Variants in WWC2 observed in about 807,000 individuals in gnomAD.
The protein encoded by WWC2 is protein WWC2.
In WWC2, 101 loss-of-function variants were observed where a neutral mutation model predicts 138.5. The observed-to-expected ratio is 0.73, with a 90% CI of 0.62 to 0.86. The LOEUF is 0.86. WWC2 is among the 40% of genes least tolerant of loss of function. The probability of loss-of-function intolerance (pLI) is 0.00; values close to 1 mark genes in which losing one functional copy is unlikely to be tolerated. For synonymous variants in WWC2, 558 were observed against 538.4 expected, an observed-to-expected ratio of 1.04 and a Z score of -0.50; for missense variants, 1,420 against 1,419.4, an observed-to-expected ratio of 1.00 and a Z score of -0.01.
chr4:183,312,568 G>C, intron 22 of WWC2, 100 bp downstream of exon 22: 1 of 1,533,498 alleles, frequency 6.5e-7, no homozygotes, highest in Non-Finnish European at 8.9e-7. Context: ...GAGGATCCGA[G>C]ACAGAAGTCC....
At position 183,259,723 on chromosome 4, in the gene WWC2, TA is replaced by T; in HGVS notation, c.1285del (p.Ser429AlafsTer25). ...TAACTACTTATTTGCATTCACAACT[TA>T]AAAGGTGAGCTTATCAGATTTTTGA... ...KLTTYLHSQL[K>X]SLSASTLSMS... On this transcript the variant is annotated frameshift_variant, in exon 10 of 23. Coordinates refer to ENST00000403733, the MANE Select transcript of WWC2 (RefSeq NM_024949.6). LOFTEE classifies it high-confidence loss of function. 1 of 1,542,908 alleles carries T rather than the reference TA, an allele frequency of 6.5e-7. No homozygotes were observed. Among genetic ancestry groups the T allele is most frequent in the South Asian group, 1.2e-5 (1 of 81,046 alleles).
chr4:183,113,767 A>T (rs1732325531), intron 1 of WWC2, among the ~76,000 whole-genome samples: 1 of 140,064 alleles, frequency 7.1e-6, no homozygotes, highest in African/African-American at 2.6e-5. Context: ...GGAATTACAG[A>T]TTTTTTTTTT....
intron 4 of WWC2, among the ~76,000 whole-genome samples, chr4:183,235,807 A>C (rs547071615): frequency 2.0e-5 from 3 of 152,352 alleles, no homozygotes; most frequent in African/African-American, 7.2e-5. Context: ...GAGCACTAAT[A>C]TCTCTTCAAG....
chr4:183,235,363 CTT>C (rs1736389051), intron 4 of WWC2, among the ~76,000 whole-genome samples: 2 of 152,264 alleles, frequency 1.3e-5, no homozygotes, highest in Admixed American at 6.5e-5. Context: ...TGTAATAACA[CTT>C]AACATGAGAT....
chr4:183,185,586 A>G (rs1274304943), intron 1 of WWC2, among the ~76,000 whole-genome samples: 8 of 152,108 alleles, frequency 5.3e-5, no homozygotes, highest in East Asian at 1.9e-4. Flanking sequence ...CCTGCTTTTC[A>G]TGAGCTATGT....
chr4:183,292,063 G>A (rs958978146), intron 21 of WWC2, among the ~76,000 whole-genome samples: 5 of 151,724 alleles, frequency 3.3e-5, no homozygotes, highest in African/African-American at 1.2e-4. Context: ...AGGCATGGTG[G>A]CATGCACCTG....
At chr4:183,185,172 G>A (rs1308828547) in intron 1 of WWC2, among the ~76,000 whole-genome samples, 1 of 152,182 alleles carries the variant, frequency 6.6e-6, no homozygotes, top group Non-Finnish European at 1.5e-5. Flanking sequence ...GACCCCAACA[G>A]TCTGTGCTTT....
chr4:183,250,036 CT>C, intron 8 of WWC2, 43 bp downstream of exon 8: 1 of 1,542,224 alleles, frequency 6.5e-7, no homozygotes, highest in Non-Finnish European at 8.9e-7. Flanking sequence ...CAAACATTTT[CT>C]TTTCCAGAAT....
At position 183,123,673 on chromosome 4, in the gene WWC2, T is replaced by A. The variant is rs530252613; in HGVS notation, c.131+24051T>A. Among the ~76,000 whole-genome samples the A allele has an allele frequency of 1.4e-3, 219 of 152,236 alleles. 1 individual carries two copies. The highest frequency in any genetic ancestry group is 5.0e-3 in the African/African-American group (208 of 41,562). On this transcript the variant is annotated intron_variant, in intron 1 of 22. Coordinates refer to ENST00000403733, the MANE Select transcript of WWC2 (RefSeq NM_024949.6). ...TTCTTAAATCTTGGTGTTATAGACA[T>A]ACATGTTTATTGGCCTTCATATTTT...
At position 183,260,964 on chromosome 4, in the gene WWC2, A is replaced by G. The variant is rs1737303286; in HGVS notation, c.1341A>G (p.Ala447=). The change falls in exon 11 of 23, where the codon GCA becomes GCG. Residue 447 remains alanine, a synonymous_variant. Transcript: ENST00000403733. ...CTGGGAGCAGCCTGGGTTCCCTGGCATCGAGTCGGGGCTCTCTGAACACCT... is the reference window on the plus strand; with the variant it reads ...CTGGGAGCAGCCTGGGTTCCCTGGCGTCGAGTCGGGGCTCTCTGAACACCT... The part of the protein sequence containing the change: ...MSSGSSLGSL[A]SSRGSLNTSS... 6.2e-7 allele frequency: 1 copy of G among 1,613,820 alleles called. No homozygotes were observed. The highest frequency in any genetic ancestry group is 1.3e-5 in the African/African-American group (1 of 74,938).
At chr4:183,179,366 G>A (rs1196236746) in intron 1 of WWC2, among the ~76,000 whole-genome samples, 2 of 152,144 alleles carry the variant, frequency 1.3e-5, no homozygotes, top group Non-Finnish European at 2.9e-5. Context: ...TTAAAAGTAA[G>A]ATTTTAATAA....
At chr4:183,299,990 A>G (rs1378563532) in intron 21 of WWC2, among the ~76,000 whole-genome samples, 4 of 152,216 alleles carry the variant, frequency 2.6e-5, no homozygotes, top group African/African-American at 7.2e-5. Flanking sequence ...TCTGTTTTGT[A>G]GCTCAGAATA....
intron 15 of WWC2, chr4:183,269,709 G>T (rs148629891): frequency 1.8e-4 from 65 of 353,198 alleles, no homozygotes; most frequent in Admixed American, 8.9e-4. Flanking sequence ...AATTAAGCAA[G>T]ACCACTGAGT....
chr4:183,264,966 T>A lies in WWC2; in HGVS notation c.1910-12T>A. ...GACATTCTGATTAGTGCTCTCACCC[T>A]CCCCTCCATAGATGTGGAAAAATCA... On this transcript the variant is annotated splice_polypyrimidine_tract_variant and intron_variant, in intron 11 of 22. Coordinates refer to ENST00000403733, the MANE Select transcript of WWC2 (RefSeq NM_024949.6). 1 of 1,608,896 alleles carries A rather than the reference T, an allele frequency of 6.2e-7. No individual in the cohort carries two copies. Among genetic ancestry groups the A allele is most frequent in the South Asian group, 1.1e-5 (1 of 89,880 alleles).
chr4:183,280,867 A>G lies in WWC2; in HGVS notation c.2654A>G (p.Gln885Arg). Reference sequence around the variant, plus strand: ...CAAGAAGAAGAAGAAGAATCAGGACAAGAAGAGCCAAGGGGCCCAGATGGA... The same window carrying G: ...CAAGAAGAAGAAGAAGAATCAGGACGAGAAGAGCCAAGGGGCCCAGATGGA... ...LAQEEEEESG[Q>R]EEPRGPDGDW... The change falls in exon 17 of 23, where the codon CAA becomes CGA. Residue 885 changes from glutamine to arginine, a missense_variant. By Grantham distance (43) the Gln-to-Arg change is conservative (BLOSUM62 1). Transcript: ENST00000403733. 2 of 1,580,282 alleles carry G rather than the reference A, an allele frequency of 1.3e-6. No individual in the cohort carries two copies. The highest frequency in any genetic ancestry group is 1.3e-5 in the African/African-American group (1 of 74,430).
intron 4 of WWC2, among the ~76,000 whole-genome samples, chr4:183,225,155 ATGAG>A (rs1427672039): frequency 6.6e-6 from 1 of 152,206 alleles, no homozygotes; most frequent in African/African-American, 2.4e-5. Context: ...CTCTATATGC[ATGAG>A]TGTTTATTGC....
At chr4:183,253,590 G>A (rs954426034) in intron 8 of WWC2, among the ~76,000 whole-genome samples, 167 bp from the exon 9 acceptor site, 1 of 152,100 alleles carries the variant, frequency 6.6e-6, no homozygotes, top group African/African-American at 2.4e-5. Flanking sequence ...GGTGTGCAAG[G>A]CTGCTGCTCC....
At chr4:183,284,912 T>G (rs1341874919) in intron 19 of WWC2, among the ~76,000 whole-genome samples, 1 of 152,224 alleles carries the variant, frequency 6.6e-6, no homozygotes, top group African/African-American at 2.4e-5. Flanking sequence ...TCTAGAAGTA[T>G]TTCTGATTTA....
intron 17 of WWC2, among the ~76,000 whole-genome samples, chr4:183,281,589 C>T (rs1213598789): frequency 3.3e-5 from 5 of 152,064 alleles, no homozygotes; most frequent in African/African-American, 9.7e-5. Flanking sequence ...ACTGTTAATA[C>T]ATGTGCATAT....
Sources: gnomAD v4.1 joint callset for allele counts (sites outside exome capture counted in the v4.1 genomes callset) on GRCh38, gnomAD v4.1.1 for gene constraint, MANE v1.5 for transcripts, NCBI Gene and HGNC (gene_info 2026-07-23, HGNC 2026-07-21) for gene names.